CDH6: variants seen among roughly 807,000 people sequenced by gnomAD.
The protein encoded by CDH6 is cadherin 6.
Under a neutral mutation model 78.0 loss-of-function variants are expected in CDH6, and 31 were observed. The observed-to-expected ratio is 0.40, with a 90% CI of 0.30 to 0.54. The LOEUF (loss-of-function observed/expected upper bound fraction) is 0.54, where lower values mean the gene tolerates loss of function less well. Ranked by LOEUF, CDH6 falls within the 20% of genes least tolerant of loss-of-function variation. The pLI, the probability that CDH6 is intolerant of heterozygous loss-of-function variation, is 0.56. For missense variants in CDH6, 724 were observed against 975.9 expected, an observed-to-expected ratio of 0.74 and a Z score of 3.44; for synonymous variants, 376 against 368.8, an observed-to-expected ratio of 1.02 and a Z score of -0.23.
rs1737526352 is a variant in CDH6 at position 31,294,523 on chromosome 5, T to C, written c.523+267T>C. Among the ~76,000 whole-genome samples the C allele has an allele frequency of 6.8e-6, 1 of 148,104 alleles. No homozygotes were observed. Among genetic ancestry groups the C allele is most frequent in the Non-Finnish European group, 1.5e-5 (1 of 67,232 alleles). ...GTTGAAAGAGAGACCATCTCCTTTCTCTCCCACCCTAAATGCCCATTCTCT... is the reference window on the plus strand; with the variant it reads ...GTTGAAAGAGAGACCATCTCCTTTCCCTCCCACCCTAAATGCCCATTCTCT... On this transcript the variant is annotated intron_variant, in intron 3 of 11. Transcript: ENST00000265071. The surrounding 1 kb of genome is among the most constrained non-coding windows in gnomAD (Gnocchi z 4.1).
intron 2 of CDH6, among the ~76,000 whole-genome samples, chr5:31,292,094 C>T (rs1369813517): frequency 6.6e-6 from 1 of 152,136 alleles, no homozygotes; most frequent in East Asian, 1.9e-4. Flanking sequence ...GACTCTTTTC[C>T]CATGAGCTGT....
rs1187409987 is a variant in CDH6 at position 31,297,285 on chromosome 5, A to G, written c.524-4A>G. 2.5e-6 allele frequency: 4 copies of G among 1,610,350 alleles called. No individual in the cohort carries two copies. Among genetic ancestry groups the G allele is most frequent in the East Asian group, 2.2e-5 (1 of 44,842 alleles). Reference sequence around the variant, plus strand: ...GTTTTCAGTTTATATTTCTGTCATTACAGGTACATTTGTTGTCCAAGTCAC... The same window carrying G: ...GTTTTCAGTTTATATTTCTGTCATTGCAGGTACATTTGTTGTCCAAGTCAC... On this transcript the variant is annotated splice_region_variant and splice_polypyrimidine_tract_variant and intron_variant, in intron 3 of 11. Coordinates refer to ENST00000265071, the MANE Select transcript of CDH6 (RefSeq NM_004932.4).
At chr5:31,211,328 G>A (rs1196681637) in intron 1 of CDH6, among the ~76,000 whole-genome samples, 1 of 151,794 alleles carries the variant, frequency 6.6e-6, no homozygotes, top group East Asian at 1.9e-4. Flanking sequence ...TTATGAGTAT[G>A]TTCTGAAGTG....
intron 7 of CDH6, among the ~76,000 whole-genome samples, chr5:31,311,134 T>C (rs1460785158): frequency 6.6e-6 from 1 of 152,248 alleles, no homozygotes; most frequent in Admixed American, 6.5e-5. Context: ...TTCACACATA[T>C]GAGCATACAC....
chr5:31,242,197 T>C (rs954757684), intron 1 of CDH6, among the ~76,000 whole-genome samples: 6 of 152,228 alleles, frequency 3.9e-5, no homozygotes, highest in African/African-American at 1.4e-4. Context: ...AGCCCAAATC[T>C]GTGGAATTGG....
At chr5:31,215,992 T>C (rs932546148) in intron 1 of CDH6, among the ~76,000 whole-genome samples, 4 of 152,180 alleles carry the variant, frequency 2.6e-5, no homozygotes, top group Non-Finnish European at 1.5e-5. Context: ...CCTTTGGTTT[T>C]TTTTCAAAAT....
At chr5:31,203,920 A>AT (rs766876257) in intron 1 of CDH6, among the ~76,000 whole-genome samples, 10 of 152,158 alleles carry the variant, frequency 6.6e-5, no homozygotes, top group Non-Finnish European at 1.3e-4. Flanking sequence ...TTGTTTCCTG[A>AT]TTTTTTAATG....
At chr5:31,271,769 G>A (rs1037858543) in intron 2 of CDH6, among the ~76,000 whole-genome samples, 1 of 152,114 alleles carries the variant, frequency 6.6e-6, no homozygotes, top group Non-Finnish European at 1.5e-5. Flanking sequence ...TGTTAGGAAG[G>A]CAGAGTCTCG....
rs1342769510 is a variant in CDH6, at chr5:31,306,146, T to C, written c.1253+719T>C. Among the ~76,000 whole-genome samples, 9 of 152,214 alleles carry C rather than the reference T, an allele frequency of 5.9e-5. No homozygotes were observed. In the South Asian group the frequency reaches 1.4e-3, roughly 25 times the overall value. ...AGCTTGACAGCCTGTTTTTCAAGTG[T>C]AGAAAAACCTATCATGTAACACTTA... On this transcript the variant is annotated intron_variant, in intron 7 of 11. Transcript: ENST00000265071.
At chr5:31,228,801 C>T (rs1741235912) in intron 1 of CDH6, among the ~76,000 whole-genome samples, 1 of 152,200 alleles carries the variant, frequency 6.6e-6, no homozygotes, top group Admixed American at 6.5e-5. Context: ...ACCTGCCACT[C>T]ACCTCCTGCT....
rs778863648 is a variant in CDH6 at position 31,294,300 on chromosome 5, T to C, written c.523+44T>C. The C allele has an allele frequency of 3.9e-6, 6 of 1,523,412 alleles. No homozygotes were observed. In the African/African-American group the frequency reaches 8.3e-5, roughly 21 times the overall value. 94.4% of individuals were successfully genotyped at this position (1,523,412 alleles called of 1,614,324 possible). A position where few individuals can be genotyped will look rare whatever the true frequency, so the allele number is the denominator to read the frequency against. On this transcript the variant is annotated intron_variant, in intron 3 of 11. Transcript: ENST00000265071. The surrounding 1 kb of genome is among the most constrained non-coding windows in gnomAD (Gnocchi z 4.1). ...CAGCCAAAAGCTGGCTTTCCCCTAG[T>C]GCATCCACTGAGTAAGGAATCCCAC...
At position 31,302,970 on chromosome 5, in the gene CDH6, A is replaced by AAGAAG. The variant is rs1737872480; in HGVS notation, c.999+676_999+677insGAGAA. Among the ~76,000 whole-genome samples, 2 of 149,586 alleles carry AAGAAG rather than the reference A, an allele frequency of 1.3e-5. 1 individual carries two copies. The highest frequency in any genetic ancestry group is 3.0e-5 in the Non-Finnish European group (2 of 67,332). On this transcript the variant is annotated intron_variant, in intron 6 of 11. Coordinates refer to ENST00000265071, the MANE Select transcript of CDH6 (RefSeq NM_004932.4). ...AAGAAAGAAAGAAGGAAAGAAAAGA[A>AAGAAG]AGAAAGAAAGAAAGAAAACCAATTC...
At chr5:31,314,320 C>T (rs1033079611) in intron 8 of CDH6, among the ~76,000 whole-genome samples, 2 of 126,994 alleles carry the variant, frequency 1.6e-5, no homozygotes, top group East Asian at 4.9e-4. Flanking sequence ...CCACAACAGG[C>T]CCCGGTTAAA....
intron 1 of CDH6, among the ~76,000 whole-genome samples, chr5:31,241,148 T>C (rs1210256125): frequency 1.3e-5 from 2 of 152,222 alleles, no homozygotes; most frequent in East Asian, 3.8e-4. Context: ...CAAGTGTCTC[T>C]TATCTTACTG....
At chr5:31,276,793 G>A (rs138876710) in intron 2 of CDH6, among the ~76,000 whole-genome samples, 15 of 152,252 alleles carry the variant, frequency 9.9e-5, no homozygotes, top group Non-Finnish European at 1.5e-4. Context: ...GTGCCCCCTC[G>A]ATTCCTCAAC....
intron 1 of CDH6, among the ~76,000 whole-genome samples, chr5:31,201,227 T>A (rs947755308): frequency 6.6e-6 from 1 of 152,204 alleles, no homozygotes; most frequent in African/African-American, 2.4e-5. Context: ...TTTTGTGTGT[T>A]CCTACATTTT....
chr5:31,266,013 T>C (rs1308727802), intron 1 of CDH6, among the ~76,000 whole-genome samples: 3 of 151,954 alleles, frequency 2.0e-5, no homozygotes, highest in African/African-American at 7.3e-5. Flanking sequence ...CCTGACCTCA[T>C]GATCTGCCCA....
chr5:31,280,025 A>G (rs1335304643), intron 2 of CDH6, among the ~76,000 whole-genome samples: 1 of 152,148 alleles, frequency 6.6e-6, no homozygotes, highest in African/African-American at 2.4e-5. Context: ...GTGGTACTTC[A>G]TTTCATTTTA....
chr5:31,234,623 A>G (rs1038294080), intron 1 of CDH6, among the ~76,000 whole-genome samples: 6 of 151,784 alleles, frequency 4.0e-5, no homozygotes, highest in Non-Finnish European at 7.4e-5. Flanking sequence ...CTTCCTTTCC[A>G]CTTCTTTGCT....
Sources: gnomAD v4.1 joint callset for allele counts (sites outside exome capture counted in the v4.1 genomes callset) on GRCh38, gnomAD v4.1.1 for gene constraint, Gnocchi (gnomAD v3.1) non-coding constraint, MANE v1.5 for transcripts, NCBI Gene and HGNC (gene_info 2026-07-23, HGNC 2026-07-21) for gene names.